CDH12: variants seen among roughly 807,000 people sequenced by gnomAD.
CDH12 encodes the protein cadherin 12, also known as cadherin-12.
CDH12 carries 41 observed loss-of-function variants against 74.1 expected under a neutral mutation model. The observed-to-expected ratio is 0.55, with a 90% CI of 0.43 to 0.72. The LOEUF is 0.72. Ranked by LOEUF, CDH12 falls within the 30% of genes least tolerant of loss-of-function variation. The pLI is 0.00. For missense variants in CDH12, 945 were observed against 977.2 expected (o/e 0.97, Z 0.44); for synonymous variants, 399 against 355.0 (o/e 1.12, Z -1.39).
chr5:22,326,252 T>G (rs1739094193), intron 3 of CDH12, among the ~76,000 whole-genome samples: 1 of 152,102 alleles, frequency 6.6e-6, no homozygotes, highest in Middle Eastern at 3.4e-3. Context: ...TTTCTTTTTT[T>G]GAGACGGATT....
chr5:22,339,969 A>C (rs1402052380), intron 3 of CDH12, among the ~76,000 whole-genome samples: 1 of 152,172 alleles, frequency 6.6e-6, no homozygotes, highest in Admixed American at 6.5e-5. Flanking sequence ...GCATATGTGT[A>C]TGTATGTATA....
intron 1 of CDH12, among the ~76,000 whole-genome samples, chr5:22,541,930 T>A (rs1738119935): frequency 6.6e-6 from 1 of 152,216 alleles, no homozygotes; most frequent in Non-Finnish European, 1.5e-5. Flanking sequence ...AGATTTCTTT[T>A]GAATTGAGCA....
intron 1 of CDH12, among the ~76,000 whole-genome samples, chr5:22,575,083 G>A (rs941642278): frequency 2.6e-5 from 4 of 152,066 alleles, no homozygotes; most frequent in African/African-American, 4.8e-5. Flanking sequence ...CTCTATCTAG[G>A]ACAGCAGGTA....
intron 2 of CDH12, among the ~76,000 whole-genome samples, chr5:22,435,114 G>T (rs1031468313): frequency 6.6e-6 from 1 of 152,100 alleles, no homozygotes; most frequent in Non-Finnish European, 1.5e-5. Context: ...TGAGTCAGCG[G>T]CTGGGAAAGG....
chr5:21,883,574 G>A (rs56740989), intron 6 of CDH12: 2 of 1,605,372 alleles, frequency 1.2e-6, no homozygotes, highest in Non-Finnish European at 1.7e-6. Context: ...TTGGAGAAGA[G>A]GGGTTGACCC....
intron 10 of CDH12, among the ~76,000 whole-genome samples, chr5:21,793,476 G>A (rs2149910815): frequency 6.6e-6 from 1 of 151,600 alleles, no homozygotes; most frequent in Admixed American, 6.6e-5. Context: ...TTACATTTTT[G>A]AATATTCAAA....
chr5:22,099,138 A>G (rs936582185), intron 4 of CDH12, among the ~76,000 whole-genome samples: 3 of 152,168 alleles, frequency 2.0e-5, no homozygotes, highest in Non-Finnish European at 4.4e-5. Flanking sequence ...TTACTGGATA[A>G]GTAGAGGCCT....
intron 5 of CDH12, among the ~76,000 whole-genome samples, chr5:22,013,303 G>T (rs996259432): frequency 2.0e-5 from 3 of 152,040 alleles, no homozygotes; most frequent in Admixed American, 2.0e-4. Flanking sequence ...GATAACCTGA[G>T]AACTCACTCA....
intron 7 of CDH12, among the ~76,000 whole-genome samples, chr5:21,845,876 A>C (rs1332917167): frequency 6.6e-6 from 1 of 152,066 alleles, no homozygotes; most frequent in Admixed American, 6.6e-5. Flanking sequence ...AGCAGCGCCA[A>C]ATTATTTCTT....
At chr5:22,759,337 G>A (rs184179695) in intron 1 of CDH12, among the ~76,000 whole-genome samples, 1 of 152,272 alleles carries the variant, frequency 6.6e-6, no homozygotes, top group Admixed American at 6.5e-5. Context: ...TTGAAATGAT[G>A]TATTTTCCTG....
In CDH12 at chr5:22,797,671, G is replaced by A. The variant is rs542536740; in HGVS notation, c.-523+55387C>T. ...AGAAATAAAAGATTCTCAGCAATAC[G>A]TATAATCAGAAAAGTTCCCTTTGCC... On this transcript the variant is annotated intron_variant, in intron 1 of 14. Transcript: ENST00000382254. Among the ~76,000 whole-genome samples, 33 of 152,194 alleles carry A rather than the reference G, an allele frequency of 2.2e-4. 2 individuals are homozygous for A. In the South Asian group the frequency reaches 6.4e-3, roughly 30 times the overall value.
intron 3 of CDH12, among the ~76,000 whole-genome samples, chr5:22,376,976 G>A (rs543036017): frequency 6.6e-6 from 1 of 152,042 alleles, no homozygotes; most frequent in African/African-American, 2.4e-5. Context: ...AATTATTAAA[G>A]ACAGGGTATT....
intron 4 of CDH12, among the ~76,000 whole-genome samples, chr5:22,181,476 A>G (rs984346894): frequency 2.6e-5 from 4 of 152,106 alleles, no homozygotes; most frequent in African/African-American, 9.7e-5. Flanking sequence ...TTAGAGATCT[A>G]TATTCTCTCC....
chr5:21,757,367 G>A (rs1479942483), intron 13 of CDH12, among the ~76,000 whole-genome samples: 1 of 151,938 alleles, frequency 6.6e-6, no homozygotes, highest in African/African-American at 2.4e-5. Flanking sequence ...GGAGAGATGG[G>A]GTTTCACCAT....
At chr5:21,883,492 A>G (rs1423413750) in intron 6 of CDH12, 1 of 1,612,884 alleles carries the variant, frequency 6.2e-7, no homozygotes, top group Non-Finnish European at 8.5e-7. Context: ...GTGGCAGTCA[A>G]GGCTCCAGGG....
At chr5:22,330,204 T>G (rs1169280431) in intron 3 of CDH12, among the ~76,000 whole-genome samples, 1 of 152,130 alleles carries the variant, frequency 6.6e-6, no homozygotes, top group Non-Finnish European at 1.5e-5. Context: ...GTAATGAGGC[T>G]ACCATTCCAG....
chr5:22,265,593 A>C (rs1175283741), intron 3 of CDH12, among the ~76,000 whole-genome samples: 2 of 152,144 alleles, frequency 1.3e-5, no homozygotes, highest in Non-Finnish European at 2.9e-5. Context: ...TATTCATTGA[A>C]GTGTATTTAT....
intron 1 of CDH12, among the ~76,000 whole-genome samples, chr5:22,549,905 C>CT (rs1378580681): frequency 1.3e-5 from 2 of 152,186 alleles, no homozygotes; most frequent in African/African-American, 4.8e-5. Flanking sequence ...CGTGACAGCT[C>CT]TAACTGTATT....
chr5:21,821,261 C>CT (rs1017767662), intron 8 of CDH12, among the ~76,000 whole-genome samples: 3 of 151,558 alleles, frequency 2.0e-5, no homozygotes, highest in Admixed American at 6.6e-5. Context: ...ATTTACCTTC[C>CT]TTTTTTTGTT....
Sources: gnomAD v4.1 joint callset for allele counts (sites outside exome capture counted in the v4.1 genomes callset) on GRCh38, gnomAD v4.1.1 for gene constraint, MANE v1.5 for transcripts, NCBI Gene and HGNC (gene_info 2026-07-23, HGNC 2026-07-21) for gene names.